AASDH: variants seen among roughly 807,000 people sequenced by gnomAD.
The protein encoded by AASDH is aminoadipate-semialdehyde dehydrogenase.
A neutral mutation model predicts 102.3 loss-of-function variants in AASDH; 81 were observed. The observed-to-expected ratio is 0.79, with a 90% CI of 0.66 to 0.95. The LOEUF (loss-of-function observed/expected upper bound fraction) is 0.95. Ranked by LOEUF, AASDH falls within the 40% of genes least tolerant of loss-of-function variation. The pLI, the probability that AASDH is intolerant of heterozygous loss-of-function variation, is 0.00. For missense variants in AASDH, 1,203 were observed against 1,266.2 expected (o/e 0.95, Z 0.76); for synonymous variants, 398 against 454.0 (o/e 0.88, Z 1.57).
chr4:56,355,114 ACT>A, intron 6 of AASDH, 66 bp downstream of exon 6: 1 of 1,515,568 alleles, frequency 6.6e-7, no homozygotes, highest in East Asian at 2.3e-5. Flanking sequence ...TATCAAAAAC[ACT>A]GTCAGTGTTA....
intron 3 of AASDH, among the ~76,000 whole-genome samples, chr4:56,379,528 G>A (rs1456098192): frequency 6.6e-6 from 1 of 152,018 alleles, no homozygotes; most frequent in Admixed American, 6.6e-5. Flanking sequence ...TGGGGAGTGG[G>A]GGGAAGTACT....
rs761711663 is a variant in AASDH, at chr4:56,338,373, T to TTTG, written c.*26_*28dup. The TTTG allele has an allele frequency of 2.3e-5, 37 of 1,588,310 alleles. No homozygotes were observed. The highest frequency in any genetic ancestry group is 1.4e-4 in the Admixed American group (8 of 55,316). On this transcript the variant is annotated 3_prime_UTR_variant, in exon 15 of 15. Transcript: ENST00000205214. ...GTAAAATATTTTCAAATATCTCACA[T>TTTG]TTGTTATACAAATAAGGACTGTATT...
chr4:56,387,118 G>A (rs1753661511), intron 1 of AASDH, among the ~76,000 whole-genome samples: 3 of 152,306 alleles, frequency 2.0e-5, no homozygotes, highest in South Asian at 2.1e-4. Flanking sequence ...CTAGGGGGTA[G>A]CTGAGCGCGG....
At chr4:56,382,335 A>G in intron 3 of AASDH, 142 bp downstream of exon 3, 1 of 800,572 alleles carries the variant, frequency 1.2e-6, no homozygotes, top group Non-Finnish European at 1.9e-6. Flanking sequence ...ACAATTACTC[A>G]ACCCTAAAAA....
intron 14 of AASDH, 149 bp from the exon 15 acceptor site, chr4:56,338,940 G>T (rs1560557398): frequency 2.6e-6 from 2 of 757,258 alleles, no homozygotes; most frequent in East Asian, 5.4e-5. Flanking sequence ...TTTCTGAAAA[G>T]TAGCACTATC....
At chr4:56,344,880 A>C (rs1373676406) in intron 12 of AASDH, among the ~76,000 whole-genome samples, 1 of 152,004 alleles carries the variant, frequency 6.6e-6, no homozygotes, top group Non-Finnish European at 1.5e-5. Flanking sequence ...TCTTCTTCTA[A>C]GTATTGAAAT....
At position 56,350,185 on chromosome 4, in the gene AASDH, T is replaced by C. The variant is rs1560574322; in HGVS notation, c.1693-127A>G. 3 of 902,748 alleles carry C rather than the reference T, an allele frequency of 3.3e-6. No homozygotes were observed. The East Asian group carries it at 8.0e-5, about 24-fold the overall frequency. The allele number at this position is 902,748 out of a possible 1,614,324, so 55.9% of individuals were successfully genotyped here. The stretch of plus-strand genomic sequence containing the variant: ...AATTAGAAATATAGGTCGGGTACAG[T>C]GGCTCACGCCTGTAATCCCAGTACT... On this transcript the variant is annotated intron_variant, in intron 10 of 14. Coordinates refer to ENST00000205214, the MANE Select transcript of AASDH (RefSeq NM_181806.4).
At position 56,378,369 on chromosome 4, in the gene AASDH, A is replaced by C. The variant is rs1483361992; in HGVS notation, c.447T>G (p.Thr149=). Residue 149 remains threonine, a synonymous_variant, in exon 4 of 15, where the codon ACT becomes ACG. Coordinates refer to ENST00000205214, the MANE Select transcript of AASDH (RefSeq NM_181806.4). The part of the protein sequence containing the change: ...LVLFRLHWKN[T]EVNLMLNDGK... ...CATCATTTAGCATCAAGTTCACCTC[A>C]GTATTTTTCCAGTGAAGTCTGAAGA... 2 of 1,613,916 alleles carry C rather than the reference A, an allele frequency of 1.2e-6. No homozygotes were observed. Among genetic ancestry groups the C allele is most frequent in the East Asian group, 4.5e-5 (2 of 44,866 alleles).
intron 4 of AASDH, among the ~76,000 whole-genome samples, chr4:56,375,593 T>A (rs1481784397): frequency 2.0e-5 from 3 of 152,140 alleles, no homozygotes; most frequent in Non-Finnish European, 4.4e-5. Context: ...ATTAAGCAAA[T>A]GTTTGCTCCC....
intron 4 of AASDH, among the ~76,000 whole-genome samples, chr4:56,374,671 AT>A (rs1186505495): frequency 1.3e-5 from 2 of 152,198 alleles, no homozygotes; most frequent in Non-Finnish European, 2.9e-5. Flanking sequence ...ATACATTTAA[AT>A]GAACTTAATA....
Position 56,344,940 on chromosome 4 carries a change from CTTT to C in AASDH, c.2652+184_2652+186del, listed in dbSNP as rs11357105. The stretch of plus-strand genomic sequence containing the variant: ...TAGACTAATGAGGTGAATTTTCTTT[CTTT>C]TTTTTTTTTTTTTTTTGAGATAGAG... On this transcript the variant is annotated intron_variant, in intron 12 of 14. Transcript: ENST00000205214. 1.8e-4 allele frequency among the ~76,000 whole-genome samples: 22 copies of C among 124,090 alleles called. No individual in the cohort carries two copies. The East Asian group carries it at 2.5e-3, about 14-fold the overall frequency. 81.4% of individuals were successfully genotyped at this position (124,090 alleles called of 152,430 possible).
chr4:56,359,088 T>C (rs1165844384), intron 5 of AASDH, among the ~76,000 whole-genome samples: 1 of 146,754 alleles, frequency 6.8e-6, no homozygotes, highest in Non-Finnish European at 1.5e-5. Flanking sequence ...TGTTGCTTGC[T>C]TTTTTTTGTT....
Position 56,384,329 on chromosome 4 carries a change from G to T in AASDH, c.-30C>A. On this transcript the variant is annotated 5_prime_UTR_variant, in exon 2 of 15. Transcript: ENST00000205214. The stretch of plus-strand genomic sequence containing the variant: ...CTGAAGTTTATCTAAACATCAATTT[G>T]TAGCACAGAACCCTGTGTATATACA... 6.3e-7 allele frequency: 1 copy of T among 1,594,258 alleles called. No individual in the cohort carries two copies. Among genetic ancestry groups the T allele is most frequent in the Non-Finnish European group, 8.6e-7 (1 of 1,162,712 alleles).
At chr4:56,339,748 C>CAAA (rs3036859) in intron 14 of AASDH, among the ~76,000 whole-genome samples, 51,269 of 127,434 alleles carry the variant, frequency 0.4, 10,098 homozygotes, top group Non-Finnish European at 0.45. Flanking sequence ...GACCTTGTTT[C>CAAA]AAAAAAAAAA....
chr4:56,345,186 T>C lies in AASDH; in HGVS notation c.2593A>G (p.Thr865Ala), dbSNP rs12498340. The C allele has an allele frequency of 0.14, 233,758 of 1,613,754 alleles. 19,730 individuals carry two copies. The highest frequency in any genetic ancestry group is 0.38 in the Admixed American group (22,973 of 59,978). The change falls in exon 12 of 15, where the codon ACC becomes GCC. Residue 865 changes from threonine to alanine, a missense_variant. By Grantham distance (58) the Thr-to-Ala change is moderately conservative. Transcript: ENST00000205214. ...AVKSSATMDP[T>A]TGLIYIGSHD... ...GATCCAATGTAAATGAGTCCTGTGG[T>C]TGGATCCATGGTTGCCGAGCTTTTG... is the stretch of plus-strand genomic sequence containing the variant.
At chr4:56,361,050 T>A (rs755602611) in intron 5 of AASDH, among the ~76,000 whole-genome samples, 2 of 152,226 alleles carry the variant, frequency 1.3e-5, no homozygotes, top group Non-Finnish European at 2.9e-5. Context: ...GCCTAACTTC[T>A]GGTGTTAAGT....
intron 1 of AASDH, among the ~76,000 whole-genome samples, chr4:56,386,469 C>T (rs115002760): frequency 1.9e-3 from 282 of 152,254 alleles, no homozygotes; most frequent in African/African-American, 6.4e-3. Flanking sequence ...GAATACTAAA[C>T]TTATTAATGC....
Position 56,338,439 on chromosome 4 carries a change from A to ACAT in AASDH, c.3257_3259dup (p.Tyr1086_Val1087insAsp). The ACAT allele has an allele frequency of 6.2e-7, 1 of 1,613,942 alleles. No homozygotes were observed. The highest frequency in any genetic ancestry group is 8.5e-7 in the Non-Finnish European group (1 of 1,179,912). On this transcript the variant is annotated inframe_insertion, in exon 15 of 15. Transcript: ENST00000205214. ...GCCACCCAATAAATCCAGACAATAA[A>ACAT]CATAATTATCTCTACACCCAATAAT...
intron 4 of AASDH, among the ~76,000 whole-genome samples, chr4:56,376,805 C>T (rs527796252): frequency 8.4e-4 from 128 of 152,164 alleles, no homozygotes; most frequent in African/African-American, 3.0e-3. Flanking sequence ...CGGTGGCTCA[C>T]GCCTGTAATC....
Sources: gnomAD v4.1 joint callset for allele counts (sites outside exome capture counted in the v4.1 genomes callset) on GRCh38, gnomAD v4.1.1 for gene constraint, MANE v1.5 for transcripts, NCBI Gene and HGNC (gene_info 2026-07-23, HGNC 2026-07-21) for gene names.